Variants in FOXN3 observed in about 807,000 individuals in gnomAD.
FOXN3 encodes the protein forkhead box N3.
In FOXN3, 7 loss-of-function variants were observed where a neutral mutation model predicts 38.4. The ratio of observed to expected loss-of-function variants is 0.18; its 90% CI spans 0.10 to 0.34. The LOEUF (loss-of-function observed/expected upper bound fraction) is 0.34, where lower values mean the gene tolerates loss of function less well. Among genes scored for constraint, FOXN3 ranks in the 10% least tolerant of loss-of-function variants. The probability of loss-of-function intolerance (pLI) is 1.00; values close to 1 mark genes in which losing one functional copy is unlikely to be tolerated. For synonymous variants in FOXN3, 230 were observed against 242.2 expected (o/e 0.95, Z 0.47); for missense variants, 456 against 613.4 (o/e 0.74, Z 2.71).
At chr14:89,292,371 C>T (rs765070078) in intron 3 of FOXN3, among the ~76,000 whole-genome samples, 8 of 152,208 alleles carry the variant, frequency 5.3e-5, no homozygotes, top group Non-Finnish European at 1.0e-4. Context: ...GCAGCTTCCA[C>T]TCCCCCATGT....
At chr14:89,593,819 T>C (rs915733475) in intron 1 of FOXN3, among the ~76,000 whole-genome samples, 10 of 152,110 alleles carry the variant, frequency 6.6e-5, no homozygotes, top group African/African-American at 2.4e-4. Flanking sequence ...GTTGCCCAGG[T>C]TGGTCTCAAA....
chr14:89,459,396 C>A (rs1433578944), intron 1 of FOXN3, among the ~76,000 whole-genome samples: 3 of 152,106 alleles, frequency 2.0e-5, no homozygotes, highest in Non-Finnish European at 2.9e-5. Context: ...AAACCATTAG[C>A]CTTTCAGGAA....
At chr14:89,248,334 T>C (rs761170890) in intron 4 of FOXN3, among the ~76,000 whole-genome samples, 9 of 152,240 alleles carry the variant, frequency 5.9e-5, no homozygotes, top group Non-Finnish European at 1.2e-4. Context: ...CCTTCCATAC[T>C]TTTGCATCTT....
intron 1 of FOXN3, among the ~76,000 whole-genome samples, chr14:89,535,936 C>G (rs1894675971): frequency 6.6e-6 from 1 of 152,122 alleles, no homozygotes; most frequent in Non-Finnish European, 1.5e-5. Context: ...CCAGTTAGTA[C>G]AAAAGAATTA....
Position 89,162,825 on chromosome 14 carries a change from G to T in FOXN3, c.996C>A (p.Ser332=). The change falls in exon 6 of 6, where the codon TCC becomes TCA. Residue 332 remains serine (S), a synonymous_variant. Transcript: ENST00000557258. This position sits in a 1 kb window ranked among gnomAD's most constrained non-coding sequence, Gnocchi z 7.2. ...NARSTSPTSD[S]ISSSSSSADD... ...CGGCTGAGGAGGAGGAGGAGGAGAT[G>T]GAGTCGCTGGTGGGCGAGGTGCTCC... 1 of 1,612,226 alleles carries T rather than the reference G, an allele frequency of 6.2e-7. No homozygotes were observed.
At chr14:89,174,396 G>A (rs918389463) in intron 5 of FOXN3, among the ~76,000 whole-genome samples, 2 of 152,122 alleles carry the variant, frequency 1.3e-5, no homozygotes, top group African/African-American at 4.8e-5. Flanking sequence ...TATCCAGGGG[G>A]ACCACAATTT....
At chr14:89,506,502 G>T (rs947085281) in intron 1 of FOXN3, among the ~76,000 whole-genome samples, 2 of 146,404 alleles carry the variant, frequency 1.4e-5, no homozygotes, top group Non-Finnish European at 3.0e-5. Flanking sequence ...GGAGGGAGGT[G>T]GGGGGGTCAG....
rs779384085 is a variant in FOXN3, at chr14:89,156,189, T to A, written c.*6225A>T. On this transcript the variant is annotated 3_prime_UTR_variant, in exon 6 of 6. Coordinates refer to ENST00000557258, the MANE Select transcript of FOXN3 (RefSeq NM_005197.4). The stretch of plus-strand genomic sequence containing the variant: ...ACACTACGTGGTGTTTTTCTTCAAT[T>A]GATGCAACTCAGTAATTTTTATTGC... 1 of 152,636 alleles carries A rather than the reference T, an allele frequency of 6.6e-6. No individual in the cohort carries two copies. Among genetic ancestry groups the A allele is most frequent in the Non-Finnish European group, 1.5e-5 (1 of 68,036 alleles). 9.5% of individuals were successfully genotyped at this position (152,636 alleles called of 1,614,324 possible).
At chr14:89,298,638 C>T (rs906906935) in intron 3 of FOXN3, among the ~76,000 whole-genome samples, 2 of 152,188 alleles carry the variant, frequency 1.3e-5, no homozygotes, top group African/African-American at 4.8e-5. Flanking sequence ...GCTCCACTGC[C>T]AGGATCTAGA....
rs1331667099 is a variant in FOXN3 at position 89,156,340 on chromosome 14, T to TG, written c.*6073dup. On this transcript the variant is annotated 3_prime_UTR_variant, in exon 6 of 6. Transcript: ENST00000557258. ...ATACGAAGAATGCAAAATGCAGGTA[T>TG]GGATGCCTTCCAAGCAACACCAAGT... 6.6e-6 allele frequency: 1 copy of TG among 152,640 alleles called. No homozygotes were observed. The allele number at this position is 152,640 out of a possible 1,614,324, so 9.5% of individuals were successfully genotyped here.
At chr14:89,569,423 C>T (rs1252911776) in intron 1 of FOXN3, among the ~76,000 whole-genome samples, 1 of 152,140 alleles carries the variant, frequency 6.6e-6, no homozygotes, top group Admixed American at 6.5e-5. Context: ...GCAGCTGTGG[C>T]CTGCCTTCTA....
Position 89,158,097 on chromosome 14 carries a change from A to G in FOXN3, c.*4317T>C, listed in dbSNP as rs544157754. 3 of 152,380 alleles carry G rather than the reference A, an allele frequency of 2.0e-5. No individual in the cohort carries two copies. The East Asian group carries it at 5.8e-4, about 29-fold the overall frequency. 9.4% of individuals were successfully genotyped at this position (152,380 alleles called of 1,614,324 possible). A position where few individuals can be genotyped will look rare whatever the true frequency, so the allele number is the denominator to read the frequency against. On this transcript the variant is annotated 3_prime_UTR_variant, in exon 6 of 6. Coordinates refer to ENST00000557258, the MANE Select transcript of FOXN3 (RefSeq NM_005197.4). ...TCTAGAAAAGCTTCCCATTTAGGTC[A>G]CTTGTACGTAACTCCAATTCCTTCT...
intron 4 of FOXN3, among the ~76,000 whole-genome samples, chr14:89,182,402 G>A (rs912354839): frequency 6.6e-6 from 1 of 152,110 alleles, no homozygotes; most frequent in African/African-American, 2.4e-5. Context: ...AAGGTGGGAT[G>A]GGTGACAGAA....
chr14:89,311,682 C>T (rs888652030), intron 3 of FOXN3, among the ~76,000 whole-genome samples: 5 of 151,326 alleles, frequency 3.3e-5, no homozygotes, highest in South Asian at 2.1e-4. Context: ...AAAAATTAGC[C>T]GGGCATGGTG....
intron 1 of FOXN3, among the ~76,000 whole-genome samples, chr14:89,440,119 C>T (rs1345630918): frequency 6.6e-6 from 1 of 152,212 alleles, no homozygotes; most frequent in East Asian, 1.9e-4. Context: ...GGGCCTCAAG[C>T]AGGTTAAAAT....
At chr14:89,315,469 C>A (rs935255141) in intron 3 of FOXN3, among the ~76,000 whole-genome samples, 3 of 152,194 alleles carry the variant, frequency 2.0e-5, no homozygotes, top group Non-Finnish European at 2.9e-5. Flanking sequence ...GCAAACCCAA[C>A]TAACGAATCT....
intron 1 of FOXN3, among the ~76,000 whole-genome samples, chr14:89,444,852 G>T (rs936695126): frequency 6.6e-6 from 1 of 152,156 alleles, no homozygotes; most frequent in Admixed American, 6.5e-5. Context: ...CAGGTGCAGT[G>T]GCTCACGCCT....
chr14:89,242,333 T>G (rs1885165578), intron 4 of FOXN3, among the ~76,000 whole-genome samples: 1 of 150,322 alleles, frequency 6.7e-6, no homozygotes, highest in African/African-American at 2.4e-5. Context: ...TATATGCATT[T>G]CTTCCTAAAC....
At chr14:89,561,127 G>A (rs960662220) in intron 1 of FOXN3, among the ~76,000 whole-genome samples, 11 of 152,228 alleles carry the variant, frequency 7.2e-5, no homozygotes, top group South Asian at 2.1e-4. Context: ...GGTGGGCATC[G>A]CCAACGGGTG....
Sources: gnomAD v4.1 joint callset for allele counts (sites outside exome capture counted in the v4.1 genomes callset) on GRCh38, gnomAD v4.1.1 for gene constraint, Gnocchi (gnomAD v3.1) non-coding constraint, MANE v1.5 for transcripts, NCBI Gene and HGNC (gene_info 2026-07-23, HGNC 2026-07-21) for gene names.